ST6GAL1: variants seen among roughly 807,000 people sequenced by gnomAD.
ST6GAL1 encodes the protein beta-galactoside alpha-2,6-sialyltransferase 1.
ST6GAL1 carries 20 observed loss-of-function variants against 38.0 expected under a neutral mutation model. The observed-to-expected ratio is 0.53, with a 90% CI of 0.37 to 0.77. ST6GAL1 has a LOEUF of 0.77. Among genes scored for constraint, ST6GAL1 ranks in the 30% least tolerant of loss-of-function variants. ST6GAL1 has a pLI of 0.00. For synonymous variants in ST6GAL1, 196 were observed against 188.2 expected (o/e 1.04, Z -0.34); for missense variants, 432 against 496.4 (o/e 0.87, Z 1.23).
intron 5 of ST6GAL1, among the ~76,000 whole-genome samples, chr3:187,062,221 G>T (rs1378027931): frequency 6.6e-6 from 1 of 152,110 alleles, no homozygotes; most frequent in African/African-American, 2.4e-5. Flanking sequence ...GGAATCCGTG[G>T]GCACTGTTGA....
At chr3:187,050,870 A>C (rs948605266) in intron 4 of ST6GAL1, among the ~76,000 whole-genome samples, 12 of 152,248 alleles carry the variant, frequency 7.9e-5, no homozygotes, top group Non-Finnish European at 1.6e-4. Flanking sequence ...AGAGATAGAA[A>C]TATAATCTAC....
chr3:186,936,056 C>G (rs1178519041), intron 1 of ST6GAL1, among the ~76,000 whole-genome samples: 3 of 152,232 alleles, frequency 2.0e-5, no homozygotes, highest in Non-Finnish European at 4.4e-5. Context: ...ATTCTTTGTC[C>G]GAGGGAAGTC....
intron 2 of ST6GAL1, chr3:187,022,054 T>C (rs1717327493): frequency 6.6e-6 from 1 of 152,208 alleles, no homozygotes; most frequent in Admixed American, 6.5e-5. Flanking sequence ...GCAAATTAAT[T>C]GAACCCACGG....
At chr3:186,936,878 G>A (rs1346019773) in intron 1 of ST6GAL1, among the ~76,000 whole-genome samples, 1 of 148,448 alleles carries the variant, frequency 6.7e-6, no homozygotes, top group Non-Finnish European at 1.5e-5. Flanking sequence ...GGAGGCGGAG[G>A]TTGCAGTGAG....
At chr3:186,970,434 A>G (rs535089100) in intron 2 of ST6GAL1, among the ~76,000 whole-genome samples, 157 of 150,398 alleles carry the variant, frequency 1.0e-3, no homozygotes, top group South Asian at 3.4e-3. Flanking sequence ...TGTGTTAGCC[A>G]GGATGGTCTC....
rs1719610457 is a variant in ST6GAL1, at chr3:187,077,744, C to G, written c.*1941C>G. On this transcript the variant is annotated 3_prime_UTR_variant, in exon 8 of 8. Transcript: ENST00000169298. Reference sequence around the variant, plus strand: ...GTTTCCTTCCTGCCTTTAGTAGGGACCTGCTCTGTGCTCACACCTCGGCTG... The same window carrying G: ...GTTTCCTTCCTGCCTTTAGTAGGGAGCTGCTCTGTGCTCACACCTCGGCTG... The G allele has an allele frequency of 6.6e-6, 1 of 152,368 alleles. No individual in the cohort carries two copies. Among genetic ancestry groups the G allele is most frequent in the Admixed American group, 6.5e-5 (1 of 15,276 alleles). 9.4% of individuals were successfully genotyped at this position (152,368 alleles called of 1,614,324 possible). A position where few individuals can be genotyped will look rare whatever the true frequency, so the allele number is the denominator to read the frequency against.
intron 3 of ST6GAL1, among the ~76,000 whole-genome samples, chr3:187,039,257 G>C (rs890031196): frequency 1.3e-5 from 2 of 152,202 alleles, no homozygotes; most frequent in African/African-American, 4.8e-5. Context: ...CTTTGAAGGT[G>C]ATGATGCAAG....
intron 4 of ST6GAL1, among the ~76,000 whole-genome samples, chr3:187,049,555 C>T (rs1189770342): frequency 1.3e-5 from 2 of 152,342 alleles, no homozygotes; most frequent in East Asian, 3.9e-4. Context: ...CGACAGGTGT[C>T]CCTCCTCAGC....
In ST6GAL1 at chr3:186,963,233, T is replaced by A. The variant is rs1356653470; in HGVS notation, c.-324-552T>A. On this transcript the variant is annotated intron_variant, in intron 1 of 7. Coordinates refer to ENST00000169298, the MANE Select transcript of ST6GAL1 (RefSeq NM_173216.2). ...AAATTAAATTCACTTTAAAAAAAAC[T>A]TTTTTTTTGAGACGGAGTTTCGCTC... Among the ~76,000 whole-genome samples the A allele has an allele frequency of 4.6e-5, 7 of 151,844 alleles. No homozygotes were observed. In the East Asian group the frequency reaches 9.7e-4, roughly 21 times the overall value.
At chr3:187,022,349 C>T (rs2108565882) in intron 2 of ST6GAL1, among the ~76,000 whole-genome samples, 1 of 152,200 alleles carries the variant, frequency 6.6e-6, no homozygotes, top group Middle Eastern at 3.4e-3. Context: ...TTTCCCTACA[C>T]AGGGACTTGG....
chr3:187,064,308 T>C (rs530197117), intron 5 of ST6GAL1, among the ~76,000 whole-genome samples: 8 of 152,270 alleles, frequency 5.3e-5, no homozygotes, highest in Admixed American at 2.0e-4. Flanking sequence ...TTGAACTAGT[T>C]TTTCTGTGAG....
Position 187,076,988 on chromosome 3 carries a change from T to C in ST6GAL1, c.*1185T>C, listed in dbSNP as rs532064767. On this transcript the variant is annotated 3_prime_UTR_variant, in exon 8 of 8. Transcript: ENST00000169298. Reference sequence around the variant, plus strand: ...CTAACCACCATCTGTTTTTTTTTTTTAAAGCATTTTTTGCTTTAAAAGCAT... The same window carrying C: ...CTAACCACCATCTGTTTTTTTTTTTCAAAGCATTTTTTGCTTTAAAAGCAT... 6 of 398,474 alleles carry C rather than the reference T, an allele frequency of 1.5e-5. No individual in the cohort carries two copies. The highest frequency in any genetic ancestry group is 2.7e-5 in the Non-Finnish European group (6 of 225,916). 24.7% of individuals were successfully genotyped at this position (398,474 alleles called of 1,614,324 possible). A position where few individuals can be genotyped will look rare whatever the true frequency, so the allele number is the denominator to read the frequency against.
chr3:186,937,005 A>C lies in ST6GAL1; in HGVS notation c.-325+6171A>C, dbSNP rs115106499. Among the ~76,000 whole-genome samples the C allele has an allele frequency of 8.1e-3, 1,229 of 151,840 alleles. 21 individuals are homozygous for C. The highest frequency in any genetic ancestry group is 0.029 in the African/African-American group (1,195 of 41,400). On this transcript the variant is annotated intron_variant, in intron 1 of 7. Coordinates refer to ENST00000169298, the MANE Select transcript of ST6GAL1 (RefSeq NM_173216.2). Reference sequence around the variant, plus strand: ...GAGGATAATTTGGAAAGTACTGTACAAAAAAACATAGAGAAACAGAAAAAA... The same window carrying C: ...GAGGATAATTTGGAAAGTACTGTACCAAAAAACATAGAGAAACAGAAAAAA...
intron 5 of ST6GAL1, among the ~76,000 whole-genome samples, chr3:187,067,823 A>G (rs1158678461): frequency 1.3e-5 from 2 of 152,166 alleles, no homozygotes; most frequent in Non-Finnish European, 2.9e-5. Flanking sequence ...GTAGCCTTAG[A>G]CAATTCTCTT....
At chr3:187,042,349 A>G (rs1483675386) in intron 3 of ST6GAL1, among the ~76,000 whole-genome samples, 1 of 152,194 alleles carries the variant, frequency 6.6e-6, no homozygotes, top group African/African-American at 2.4e-5. Flanking sequence ...CAAGGCAACC[A>G]GAAACTAATA....
At chr3:186,984,260 G>A (rs1715788392) in intron 2 of ST6GAL1, among the ~76,000 whole-genome samples, 1 of 152,144 alleles carries the variant, frequency 6.6e-6, no homozygotes. Context: ...CGCTCACTGG[G>A]ACTGCTGCTG....
rs542131167 is a variant in ST6GAL1 at position 186,950,214 on chromosome 3, C to T, written c.-324-13571C>T. ...AGAAGAATCTGCCAGGCAGTTGGGGCGGGGGCAGCATTGGATCCACTCATA... is the reference window on the plus strand; with the variant it reads ...AGAAGAATCTGCCAGGCAGTTGGGGTGGGGGCAGCATTGGATCCACTCATA... On this transcript the variant is annotated intron_variant, in intron 1 of 7. Transcript: ENST00000169298. Among the ~76,000 whole-genome samples, 20 of 152,270 alleles carry T rather than the reference C, an allele frequency of 1.3e-4. No individual in the cohort carries two copies. In the East Asian group the frequency reaches 1.7e-3, roughly 13 times the overall value.
chr3:186,933,317 G>C (rs1022793428), intron 1 of ST6GAL1, among the ~76,000 whole-genome samples: 7 of 152,102 alleles, frequency 4.6e-5, no homozygotes, highest in African/African-American at 1.4e-4. Flanking sequence ...CTTCAGGTAG[G>C]GGACCAACCC....
intron 2 of ST6GAL1, among the ~76,000 whole-genome samples, chr3:187,001,826 C>G (rs1056175517): frequency 4.0e-5 from 6 of 151,628 alleles, no homozygotes; most frequent in Non-Finnish European, 7.4e-5. Context: ...TGTGGTGGCG[C>G]GCGCCTGTAA....
Sources: gnomAD v4.1 joint callset for allele counts (sites outside exome capture counted in the v4.1 genomes callset) on GRCh38, gnomAD v4.1.1 for gene constraint, MANE v1.5 for transcripts, NCBI Gene and HGNC (gene_info 2026-07-23, HGNC 2026-07-21) for gene names.